Variants in KLF12 observed in about 807,000 individuals in gnomAD.
The protein encoded by KLF12 is Krueppel-like factor 12.
In KLF12, 9 loss-of-function variants were observed where a neutral mutation model predicts 37.8. The ratio of observed to expected loss-of-function variants is 0.24; its 90% confidence interval spans 0.14 to 0.42. The LOEUF (loss-of-function observed/expected upper bound fraction) is 0.42, where lower values mean the gene tolerates loss of function less well. KLF12 is among the 10% of genes least tolerant of loss of function. The pLI is 1.00. For missense variants in KLF12, 411 were observed against 516.0 expected, an observed-to-expected ratio of 0.80 and a Z score of 1.97; for synonymous variants, 208 against 202.1, an observed-to-expected ratio of 1.03 and a Z score of -0.25.
chr13:74,239,284 G>C, the KLF12 span, among the ~76,000 whole-genome samples: 1 of 151,862 alleles, frequency 6.6e-6, no homozygotes. Context: ...GTCCTAGTTT[G>C]ATTGCACTGT....
chr13:74,210,843 A>G, the KLF12 span, among the ~76,000 whole-genome samples: 2 of 152,278 alleles, frequency 1.3e-5, no homozygotes, highest in Non-Finnish European at 2.9e-5. Flanking sequence ...CTAAGTACCC[A>G]TGTTATCTCC....
chr13:73,698,242 C>T (rs1259197748), intron 7 of KLF12, among the ~76,000 whole-genome samples: 1 of 151,968 alleles, frequency 6.6e-6, no homozygotes, highest in East Asian at 1.9e-4. Flanking sequence ...AAAAGATAAG[C>T]TGCTGGATCC....
intron 5 of KLF12, among the ~76,000 whole-genome samples, chr13:73,781,002 C>T (rs183269891): frequency 4.9e-4 from 74 of 152,318 alleles, no homozygotes; most frequent in Admixed American, 1.3e-3. Flanking sequence ...TCTCCATGGA[C>T]GCAGCAACCC....
the KLF12 span, among the ~76,000 whole-genome samples, chr13:74,226,616 C>G: frequency 2.0e-5 from 3 of 152,140 alleles, no homozygotes; most frequent in Non-Finnish European, 4.4e-5. Context: ...AACCCATATC[C>G]TAGTTTATCT....
the KLF12 span, among the ~76,000 whole-genome samples, chr13:74,282,414 T>G: frequency 2.0e-5 from 3 of 152,192 alleles, no homozygotes; most frequent in African/African-American, 7.2e-5. Context: ...GATCTGTGTA[T>G]TTCCTCTATG....
the KLF12 span, among the ~76,000 whole-genome samples, chr13:74,209,828 A>G: frequency 3.9e-5 from 6 of 152,330 alleles, no homozygotes; most frequent in South Asian, 1.2e-3. Flanking sequence ...ACTTCTCTAT[A>G]TCTTAAAAGA....
intron 5 of KLF12, among the ~76,000 whole-genome samples, chr13:73,781,701 A>G (rs1190391458): frequency 2.0e-5 from 3 of 152,240 alleles, no homozygotes; most frequent in Non-Finnish European, 2.9e-5. Flanking sequence ...GTGTCTTGAC[A>G]GAGTTCCTGA....
chr13:74,302,301 G>A, the KLF12 span, among the ~76,000 whole-genome samples: 1 of 152,134 alleles, frequency 6.6e-6, no homozygotes, highest in African/African-American at 2.4e-5. Flanking sequence ...CTATATTAAA[G>A]TGATGGAGAT....
intron 3 of KLF12, among the ~76,000 whole-genome samples, chr13:73,916,000 A>C (rs1265318063): frequency 6.6e-6 from 1 of 152,098 alleles, no homozygotes; most frequent in African/African-American, 2.4e-5. Context: ...TTACCTTTCT[A>C]CTTATGGAGA....
At chr13:74,249,067 C>G in the KLF12 span, among the ~76,000 whole-genome samples, 1 of 151,894 alleles carries the variant, frequency 6.6e-6, no homozygotes, top group South Asian at 2.1e-4. Flanking sequence ...ATTTGTGGAC[C>G]CTGGAGCCAG....
chr13:74,303,440 C>T, the KLF12 span, among the ~76,000 whole-genome samples: 1 of 152,056 alleles, frequency 6.6e-6, no homozygotes, highest in Non-Finnish European at 1.5e-5. Context: ...CTTTGTATAC[C>T]TGTCATTCTT....
the KLF12 span, among the ~76,000 whole-genome samples, chr13:74,291,556 A>G: frequency 6.6e-6 from 1 of 152,212 alleles, no homozygotes; most frequent in Non-Finnish European, 1.5e-5. Context: ...GCGAAGGTTA[A>G]TCCAGTCCAC....
At chr13:73,813,362 G>C in intron 4 of KLF12, 75 bp from the exon 5 acceptor site, 1 of 1,499,504 alleles carries the variant, frequency 6.7e-7, no homozygotes, top group Non-Finnish European at 9.2e-7. Context: ...CCAACATCAA[G>C]TATGGAACTT....
intron 2 of KLF12, among the ~76,000 whole-genome samples, chr13:73,961,196 T>C (rs1191075458): frequency 6.6e-6 from 1 of 152,172 alleles, no homozygotes; most frequent in African/African-American, 2.4e-5. Flanking sequence ...GGAAATGTTT[T>C]TTGAGAAAAT....
intron 5 of KLF12, among the ~76,000 whole-genome samples, chr13:73,797,476 A>T (rs1407446423): frequency 1.3e-5 from 2 of 152,174 alleles, no homozygotes; most frequent in African/African-American, 4.8e-5. Context: ...AGCAATCTTA[A>T]CATGTAGGGG....
intron 1 of KLF12, among the ~76,000 whole-genome samples, chr13:74,039,197 T>C (rs1207323643): frequency 1.3e-5 from 2 of 152,192 alleles, no homozygotes; most frequent in African/African-American, 4.8e-5. Flanking sequence ...AATCAGATCT[T>C]TGGGTTCCCT....
At chr13:74,253,395 A>G in the KLF12 span, among the ~76,000 whole-genome samples, 4 of 152,146 alleles carry the variant, frequency 2.6e-5, no homozygotes, top group Admixed American at 6.5e-5. Flanking sequence ...TGAAACCACA[A>G]TATATCATGC....
At chr13:73,902,965 A>C (rs1888104579) in intron 3 of KLF12, among the ~76,000 whole-genome samples, 1 of 152,192 alleles carries the variant, frequency 6.6e-6, no homozygotes, top group Admixed American at 6.5e-5. Flanking sequence ...ATCTATCTGT[A>C]TATTCTCCAT....
intron 5 of KLF12, among the ~76,000 whole-genome samples, chr13:73,812,517 T>C (rs1296861181): frequency 1.3e-5 from 2 of 151,952 alleles, no homozygotes; most frequent in African/African-American, 4.8e-5. Flanking sequence ...CAATTAGACC[T>C]CAATAAAGCT....
Sources: allele counts gnomAD v4.1 joint callset (sites outside exome capture counted in the v4.1 genomes callset), GRCh38; gene constraint gnomAD v4.1.1; transcripts MANE v1.5; gene names NCBI Gene and HGNC (gene_info 2026-07-23, HGNC 2026-07-21).